Variants in DOCK4 observed in about 807,000 individuals in gnomAD.
DOCK4 encodes dedicator of cytokinesis protein 4.
DOCK4 carries 97 observed loss-of-function variants against 268.1 expected under a neutral mutation model. That is an observed-to-expected ratio of 0.36 (90% CI 0.31 to 0.43). DOCK4 has a LOEUF of 0.43. Among genes scored for constraint, DOCK4 ranks in the 20% least tolerant of loss-of-function variants. The probability of loss-of-function intolerance (pLI) is 1.00; values close to 1 mark genes in which losing one functional copy is unlikely to be tolerated. For missense variants in DOCK4, 2,145 were observed against 2,455.7 expected (o/e 0.87, Z 2.67); for synonymous variants, 954 against 887.2 (o/e 1.08, Z -1.34).
chr7:111,954,082 A>G (rs1224021480), intron 8 of DOCK4, among the ~76,000 whole-genome samples: 1 of 152,100 alleles, frequency 6.6e-6, no homozygotes, highest in African/African-American at 2.4e-5. Context: ...ATGTTAGTAA[A>G]CTTCTGTTTT....
intron 11 of DOCK4, 121 bp downstream of exon 11, chr7:111,939,989 G>A: frequency 3.0e-6 from 3 of 1,000,108 alleles, no homozygotes; most frequent in Non-Finnish European, 3.0e-6. Context: ...CTGGGTTTTT[G>A]AGGAATGGCT....
At chr7:111,779,116 A>G (rs1448135922) in intron 35 of DOCK4, among the ~76,000 whole-genome samples, 2 of 152,042 alleles carry the variant, frequency 1.3e-5, no homozygotes, top group African/African-American at 4.8e-5. Context: ...TAAGACATAC[A>G]GGTAAGGATG....
At chr7:111,975,480 T>C (rs1798093457) in intron 8 of DOCK4, among the ~76,000 whole-genome samples, 1 of 152,234 alleles carries the variant, frequency 6.6e-6, no homozygotes, top group South Asian at 2.1e-4. Context: ...ATCTTTCACA[T>C]TTCTAAAGTC....
chr7:111,806,835 T>C (rs942916321), intron 30 of DOCK4, among the ~76,000 whole-genome samples: 1 of 152,226 alleles, frequency 6.6e-6, no homozygotes. Flanking sequence ...TTATAGGTAT[T>C]GATATGCTCC....
chr7:112,177,729 A>AT (rs139868878), intron 1 of DOCK4, among the ~76,000 whole-genome samples: 25,312 of 151,560 alleles, frequency 0.17, 4,613 homozygotes, highest in African/African-American at 0.46. Flanking sequence ...GAGACTACTG[A>AT]TTTTTTTTTA....
rs573922275 is a variant in DOCK4 at position 111,755,501 on chromosome 7, G to A, written c.4416+14C>T. ...GTGATGAGAAAGTGCTTGAGAACAAGCTCTGATCCTTACCACTTCACGCTT... is the reference window on the plus strand; with the variant it reads ...GTGATGAGAAAGTGCTTGAGAACAAACTCTGATCCTTACCACTTCACGCTT... On this transcript the variant is annotated intron_variant, in intron 42 of 52. Coordinates refer to ENST00000428084, the MANE Select transcript of DOCK4 (RefSeq NM_001363540.2). 30 of 1,613,096 alleles carry A rather than the reference G, an allele frequency of 1.9e-5. 1 individual carries two copies. In the South Asian group the frequency reaches 3.0e-4, roughly 16 times the overall value.
intron 1 of DOCK4, among the ~76,000 whole-genome samples, chr7:112,177,694 A>G (rs1013632367): frequency 6.6e-6 from 1 of 152,236 alleles, no homozygotes; most frequent in Admixed American, 6.5e-5. Context: ...CTGTAAATTC[A>G]TAGTTGATAT....
At chr7:111,859,419 G>C (rs560882681) in intron 23 of DOCK4, among the ~76,000 whole-genome samples, 1 of 151,928 alleles carries the variant, frequency 6.6e-6, no homozygotes, top group African/African-American at 2.4e-5. Context: ...TATAATAAAA[G>C]AATTTTTTTT....
rs1310806410 is a variant in DOCK4 at position 112,127,038 on chromosome 7, G to C, written c.37+79064C>G. Among the ~76,000 whole-genome samples the C allele has an allele frequency of 4.6e-5, 7 of 152,072 alleles. No individual in the cohort carries two copies. In the South Asian group the frequency reaches 1.3e-3, roughly 27 times the overall value. On this transcript the variant is annotated intron_variant, in intron 1 of 52. Transcript: ENST00000428084. ...GGATCTAGAACTAGAAATACCATTTGACCCAGCCATCCCATTACTGGGTAT... is the reference window on the plus strand; with the variant it reads ...GGATCTAGAACTAGAAATACCATTTCACCCAGCCATCCCATTACTGGGTAT...
intron 1 of DOCK4, among the ~76,000 whole-genome samples, chr7:112,134,174 TAG>T (rs979843388): frequency 3.9e-5 from 6 of 152,214 alleles, no homozygotes; most frequent in East Asian, 1.9e-4. Flanking sequence ...CCATAATTTA[TAG>T]AGTTAAGACA....
At chr7:112,176,991 A>T (rs1818592922) in intron 1 of DOCK4, among the ~76,000 whole-genome samples, 4 of 152,166 alleles carry the variant, frequency 2.6e-5, no homozygotes, top group Admixed American at 2.6e-4. Flanking sequence ...AAGGATAATG[A>T]GGTAGAATGA....
At chr7:111,797,392 C>T (rs183074448) in intron 30 of DOCK4, among the ~76,000 whole-genome samples, 2 of 152,080 alleles carry the variant, frequency 1.3e-5, no homozygotes, top group African/African-American at 2.4e-5. Context: ...TTCCGAAGAC[C>T]CTAATAGGTA....
intron 12 of DOCK4, among the ~76,000 whole-genome samples, chr7:111,919,367 A>G (rs1792907760): frequency 6.6e-6 from 1 of 152,104 alleles, no homozygotes; most frequent in Non-Finnish European, 1.5e-5. Flanking sequence ...AGAGAGTGCA[A>G]AAGGACAGAG....
chr7:112,170,776 A>G (rs1818017807), intron 1 of DOCK4, among the ~76,000 whole-genome samples: 1 of 152,254 alleles, frequency 6.6e-6, no homozygotes, highest in Non-Finnish European at 1.5e-5. Context: ...ATGACTGCCT[A>G]TGAACAATTA....
chr7:112,058,672 A>C (rs1384452198), intron 1 of DOCK4, among the ~76,000 whole-genome samples: 1 of 152,236 alleles, frequency 6.6e-6, no homozygotes, highest in Non-Finnish European at 1.5e-5. Flanking sequence ...TTGCTGTCTT[A>C]TAAGGGTCAT....
At chr7:112,066,510 C>CTA (rs199615391) in intron 1 of DOCK4, among the ~76,000 whole-genome samples, 13,865 of 134,432 alleles carry the variant, frequency 0.1, 1,201 homozygotes, top group East Asian at 0.35. Context: ...CTCTCTCTCT[C>CTA]TCTATATATA....
intron 12 of DOCK4, among the ~76,000 whole-genome samples, chr7:111,933,823 G>A (rs1260309719): frequency 2.0e-5 from 3 of 152,124 alleles, no homozygotes; most frequent in South Asian, 2.1e-4. Context: ...GGAGAGGGAG[G>A]AGGAAACTGA....
intron 1 of DOCK4, among the ~76,000 whole-genome samples, chr7:112,116,154 T>C (rs1340047022): frequency 6.6e-6 from 1 of 152,014 alleles, no homozygotes; most frequent in Non-Finnish European, 1.5e-5. Context: ...TAGCAGTCAC[T>C]CCTCATACCC....
chr7:111,885,257 G>A (rs919631993), intron 16 of DOCK4, among the ~76,000 whole-genome samples: 1 of 152,196 alleles, frequency 6.6e-6, no homozygotes, highest in African/African-American at 2.4e-5. Flanking sequence ...ATGTAATTGA[G>A]AGATGGCTTT....
Sources: allele counts gnomAD v4.1 joint callset (sites outside exome capture counted in the v4.1 genomes callset), GRCh38; gene constraint gnomAD v4.1.1; transcripts MANE v1.5; gene names NCBI Gene and HGNC (gene_info 2026-07-23, HGNC 2026-07-21).